The following TPGS2 variants were observed in gnomAD, a reference collection of about 807,000 sequenced individuals.
TPGS2 encodes the protein tubulin polyglutamylase complex subunit 2.
TPGS2 carries 26 observed loss-of-function variants against 31.1 expected under a neutral mutation model. That is an observed-to-expected ratio of 0.84 (90% CI 0.61 to 1.16). The LOEUF is 1.16. Ranked by LOEUF, TPGS2 falls within the 50% of genes most tolerant of loss-of-function variation. The pLI, the probability that TPGS2 is intolerant of heterozygous loss-of-function variation, is 0.00. For synonymous variants in TPGS2, 130 were observed against 136.6 expected, an observed-to-expected ratio of 0.95 and a Z score of 0.34; for missense variants, 351 against 363.8, an observed-to-expected ratio of 0.96 and a Z score of 0.29.
At chr18:36,819,329 T>G (rs1218985458) in intron 1 of TPGS2, among the ~76,000 whole-genome samples, 1 of 152,176 alleles carries the variant, frequency 6.6e-6, no homozygotes, top group Non-Finnish European at 1.5e-5. Context: ...TGAAAAGAAA[T>G]AAAGAATAGC....
At chr18:36,785,831 C>G (rs1056838822) in intron 6 of TPGS2, among the ~76,000 whole-genome samples, 1 of 152,068 alleles carries the variant, frequency 6.6e-6, no homozygotes, top group Non-Finnish European at 1.5e-5. Context: ...ATCTGTAACT[C>G]TGGAGAGGAA....
At chr18:36,815,161 C>T (rs1428268991) in intron 2 of TPGS2, among the ~76,000 whole-genome samples, 1 of 152,176 alleles carries the variant, frequency 6.6e-6, no homozygotes, top group Non-Finnish European at 1.5e-5. Context: ...CCTTGGGATC[C>T]TCCTGCTTCT....
Position 36,828,357 on chromosome 18 carries a change from G to C in TPGS2, c.85+326C>G, listed in dbSNP as rs531327635. Reference sequence around the variant, plus strand: ...TGCCCTGGCTGAGAATGCCTCCTAGGGGGAGATCCAACTTCCCAACCGTCA... The same window carrying C: ...TGCCCTGGCTGAGAATGCCTCCTAGCGGGAGATCCAACTTCCCAACCGTCA... On this transcript the variant is annotated intron_variant, in intron 1 of 6. Transcript: ENST00000334295. 2.0e-5 allele frequency among the ~76,000 whole-genome samples: 3 copies of C among 152,192 alleles called. No individual in the cohort carries two copies. In the South Asian group the frequency reaches 6.2e-4, roughly 32 times the overall value.
chr18:36,814,792 T>C (rs2045582129), intron 2 of TPGS2, among the ~76,000 whole-genome samples: 1 of 152,214 alleles, frequency 6.6e-6, no homozygotes, highest in Non-Finnish European at 1.5e-5. Flanking sequence ...TTCTGAGGCA[T>C]ATTCTTCCTT....
rs397962723 is a variant in TPGS2 at position 36,806,850 on chromosome 18, T to TAAAAAAAA, written c.253+989_253+996dup. On this transcript the variant is annotated intron_variant, in intron 3 of 6. Coordinates refer to ENST00000334295, the MANE Select transcript of TPGS2 (RefSeq NM_015476.4). ...TGGGCAACAGAGTGAGACTCCATCT[T>TAAAAAAAA]AAAAAAAAAAAAAAAAAAAAAAAAA... Among the ~76,000 whole-genome samples, 6 of 37,336 alleles carry TAAAAAAAA rather than the reference T, an allele frequency of 1.6e-4. 2 individuals carry two copies. The highest frequency in any genetic ancestry group is 9.0e-4 in the African/African-American group (6 of 6,630). 24.5% of individuals were successfully genotyped at this position (37,336 alleles called of 152,430 possible).
downstream of TPGS2, among the ~76,000 whole-genome samples, chr18:36,781,261 C>T (rs1314050030): frequency 2.0e-5 from 3 of 152,138 alleles, no homozygotes; most frequent in Non-Finnish European, 4.4e-5. Flanking sequence ...CTGTGAGGAA[C>T]CTCTGTCTCT....
intron 2 of TPGS2, among the ~76,000 whole-genome samples, chr18:36,816,149 T>C (rs751634980): frequency 2.6e-5 from 4 of 152,234 alleles, no homozygotes; most frequent in Non-Finnish European, 1.5e-5. Flanking sequence ...CCATTAATTG[T>C]CTCAGTTAGT....
At chr18:36,791,557 G>A (rs2044310344), downstream of TPGS2, among the ~76,000 whole-genome samples, 1 of 152,118 alleles carries the variant, frequency 6.6e-6, no homozygotes, top group Non-Finnish European at 1.5e-5. Flanking sequence ...GGGCAAGATA[G>A]GTAATATAGA....
chr18:36,824,246 T>C (rs752382220), intron 1 of TPGS2, among the ~76,000 whole-genome samples: 1 of 152,256 alleles, frequency 6.6e-6, no homozygotes, highest in Non-Finnish European at 1.5e-5. Context: ...TATCACATTT[T>C]ATATATCACG....
At position 36,794,519 on chromosome 18, in the gene TPGS2, G is replaced by C. The variant is rs2044431633; in HGVS notation, c.*2286C>G. On this transcript the variant is annotated 3_prime_UTR_variant, in exon 7 of 7. Coordinates refer to ENST00000334295, the MANE Select transcript of TPGS2 (RefSeq NM_015476.4). ...CGGGGGATCTCCAAGTACTAAAAAA[G>C]GGGTATCTGCTGCAGTGGAAGATGA... 2 of 985,294 alleles carry C rather than the reference G, an allele frequency of 2.0e-6. No individual in the cohort carries two copies. The highest frequency in any genetic ancestry group is 1.1e-4 in the East Asian group (1 of 8,824). The allele number at this position is 985,294 out of a possible 1,614,324, so 61.0% of individuals were successfully genotyped here. A position where few individuals can be genotyped will look rare whatever the true frequency, so the allele number is the denominator to read the frequency against.
intron 3 of TPGS2, 68 bp downstream of exon 3, chr18:36,807,779 G>A (rs1203131100): frequency 1.4e-6 from 2 of 1,443,040 alleles, no homozygotes; most frequent in Non-Finnish European, 1.9e-6. Flanking sequence ...AAAGTCGAAG[G>A]GCCCTCAGAG....
chr18:36,785,254 G>A (rs991585933), intron 6 of TPGS2, among the ~76,000 whole-genome samples: 9 of 152,248 alleles, frequency 5.9e-5, no homozygotes, highest in South Asian at 2.1e-4. Context: ...AGCCGAGATC[G>A]CGCCATTGCA....
chr18:36,815,608 G>A (rs1375205106), intron 2 of TPGS2, among the ~76,000 whole-genome samples: 1 of 148,846 alleles, frequency 6.7e-6, no homozygotes, highest in Non-Finnish European at 1.5e-5. Context: ...GAAAATCCTA[G>A]GAGACTTTTT....
chr18:36,790,506 G>T (rs188590631), downstream of TPGS2, among the ~76,000 whole-genome samples: 1 of 152,318 alleles, frequency 6.6e-6, no homozygotes, highest in East Asian at 1.9e-4. Context: ...AGTTTACAAA[G>T]ATCCCATTTT....
At position 36,800,228 on chromosome 18, in the gene TPGS2, CTT is replaced by C. The variant is rs768468527; in HGVS notation, c.464_465del (p.Lys155SerfsTer17). ...FELDSCNGSGKVCLVYKSGKP... is the reference protein window; with the variant it reads ...FELDSCNGSGXVCLVYKSGKP... Reference sequence around the variant, plus strand: ...TTCCCACTTTTGTAGACAAGGCAAACTTTCCCACTGCCATTGCATGAATCCAG... The same window carrying C: ...TTCCCACTTTTGTAGACAAGGCAAACTCCCACTGCCATTGCATGAATCCAG... On this transcript the variant is annotated frameshift_variant, in exon 5 of 7. Transcript: ENST00000334295. LOFTEE classifies it high-confidence loss of function. The C allele has an allele frequency of 5.0e-6, 8 of 1,614,142 alleles. No homozygotes were observed. The Admixed American group carries it at 1.3e-4, about 27-fold the overall frequency.
At chr18:36,798,907 C>G (rs2044666130) in intron 5 of TPGS2, among the ~76,000 whole-genome samples, 1 of 152,210 alleles carries the variant, frequency 6.6e-6, no homozygotes, top group Non-Finnish European at 1.5e-5. Flanking sequence ...TACTCCTTTT[C>G]TGTGTGTCAT....
At chr18:36,805,543 G>T in intron 3 of TPGS2, 41 bp from the exon 4 acceptor site, 1 of 1,611,994 alleles carries the variant, frequency 6.2e-7, no homozygotes, top group Non-Finnish European at 8.5e-7. Flanking sequence ...TGGAGTAACA[G>T]CCTAGTTACA....
chr18:36,797,315 CCTT>C (rs1396254718), intron 6 of TPGS2, among the ~76,000 whole-genome samples: 1 of 152,054 alleles, frequency 6.6e-6, no homozygotes, highest in Non-Finnish European at 1.5e-5. Context: ...GAGCACACCT[CCTT>C]CTGATTTAGT....
rs369471165 is a variant in TPGS2 at position 36,796,928 on chromosome 18, G to T, written c.780C>A (p.Ile260=). 2.5e-6 allele frequency: 4 copies of T among 1,609,290 alleles called. No individual in the cohort carries two copies. Among genetic ancestry groups the T allele is most frequent in the Non-Finnish European group, 3.4e-6 (4 of 1,178,450 alleles). ...GCTGCACAGGCCCTTTCTTTTTTGG[G>T]ATTACGATCTTGTTCTTGCTCTTAA... The part of the protein sequence containing the change: ...KVFKSKNKIV[I]PKKKGPVQPA... Residue 260 remains isoleucine (I), a synonymous_variant, in exon 7 of 7, where the codon ATC becomes ATA. Transcript: ENST00000334295.
Sources: allele counts gnomAD v4.1 joint callset (sites outside exome capture counted in the v4.1 genomes callset), GRCh38; gene constraint gnomAD v4.1.1; transcripts MANE v1.5; gene names NCBI Gene and HGNC (gene_info 2026-07-23, HGNC 2026-07-21).